Variants in PIKFYVE observed in about 807,000 individuals in gnomAD.
PIKFYVE encodes the protein 1-phosphatidylinositol 3-phosphate 5-kinase.
In PIKFYVE, 122 loss-of-function variants were observed where a neutral mutation model predicts 257.9. The observed-to-expected ratio is 0.47, with a 90% CI of 0.41 to 0.55. PIKFYVE has a LOEUF of 0.55. PIKFYVE is among the 20% of genes least tolerant of loss of function. The probability of loss-of-function intolerance (pLI) is 0.00; values close to 1 mark genes in which losing one functional copy is unlikely to be tolerated. For missense variants in PIKFYVE, 2,160 were observed against 2,536.6 expected, an observed-to-expected ratio of 0.85 and a Z score of 3.19; for synonymous variants, 892 against 868.9, an observed-to-expected ratio of 1.03 and a Z score of -0.47.
At chr2:208,345,869 C>T (rs185257347) in intron 33 of PIKFYVE, among the ~76,000 whole-genome samples, 181 bp from the exon 34 acceptor site, 19 of 152,170 alleles carry the variant, frequency 1.2e-4, no homozygotes, top group African/African-American at 4.6e-4. Flanking sequence ...GTAGATATTT[C>T]AGACTTTTTT....
At chr2:208,301,227 G>T in intron 9 of PIKFYVE, 133 bp downstream of exon 9, 1 of 1,164,824 alleles carries the variant, frequency 8.6e-7, no homozygotes, top group Non-Finnish European at 1.2e-6. Flanking sequence ...ATGGTTTAGG[G>T]TGCTAATTAC....
At position 208,342,600 on chromosome 2, in the gene PIKFYVE, A is replaced by G. The variant is rs745648970; in HGVS notation, c.4978A>G (p.Ile1660Val). Residue 1660 changes from isoleucine to valine, a missense_variant, in exon 32 of 42, where the codon ATT (isoleucine) becomes GTT (valine). Transcript: ENST00000264380. The stretch of plus-strand genomic sequence containing the variant: ...AATGTATGAACATGAACGAGTGCCC[A>G]TTGCAGTCTGCGAGAAGGAACCCAG... ...YLMYEHERVP[I>V]AVCEKEPSSI... The G allele has an allele frequency of 5.0e-6, 8 of 1,614,012 alleles. No homozygotes were observed. In the South Asian group the frequency reaches 6.6e-5, roughly 13 times the overall value.
At chr2:208,279,579 T>C (rs1294623823) in intron 5 of PIKFYVE, among the ~76,000 whole-genome samples, 2 of 152,208 alleles carry the variant, frequency 1.3e-5, no homozygotes, top group Non-Finnish European at 2.9e-5. Flanking sequence ...TTTTCGTATA[T>C]GATGAAACAT....
intron 12 of PIKFYVE, among the ~76,000 whole-genome samples, chr2:208,308,458 A>G (rs1694600963): frequency 6.6e-6 from 1 of 151,828 alleles, no homozygotes; most frequent in Non-Finnish European, 1.5e-5. Flanking sequence ...TTTGAAATTT[A>G]CTCTTAGCAA....
In PIKFYVE at chr2:208,300,014, A is replaced by G. The variant is rs558688651; in HGVS notation, c.1051-923A>G. Among the ~76,000 whole-genome samples the G allele has an allele frequency of 5.9e-5, 9 of 152,278 alleles. No homozygotes were observed. The South Asian group carries it at 1.9e-3, about 32-fold the overall frequency. On this transcript the variant is annotated intron_variant, in intron 8 of 41. Transcript: ENST00000264380. ...TGCACTCCAGCCTGGGCAACATAGC[A>G]AGACCTTGTCTCTAAGACAACAAAC...
intron 3 of PIKFYVE, 104 bp downstream of exon 3, chr2:208,273,837 G>C: frequency 6.9e-7 from 1 of 1,444,694 alleles, no homozygotes; most frequent in Non-Finnish European, 9.7e-7. Flanking sequence ...CCTGCTATTT[G>C]GAATAGTAAG....
chr2:208,306,422 C>G (rs1353143494), intron 12 of PIKFYVE, among the ~76,000 whole-genome samples: 1 of 152,210 alleles, frequency 6.6e-6, no homozygotes, highest in Non-Finnish European at 1.5e-5. Context: ...TGATGAACAT[C>G]TGTTCTCTGG....
intron 39 of PIKFYVE, 113 bp downstream of exon 39, chr2:208,352,895 T>C: frequency 7.4e-7 from 1 of 1,355,136 alleles, no homozygotes; most frequent in Non-Finnish European, 1.0e-6. Context: ...ATATTTAACT[T>C]TGGTTACTAG....
chr2:208,349,881 T>C, intron 35 of PIKFYVE, 143 bp from the exon 36 acceptor site: 2 of 1,236,702 alleles, frequency 1.6e-6, no homozygotes, highest in Non-Finnish European at 2.2e-6. Context: ...GTATATCTTA[T>C]GCTTGCTTGA....
In PIKFYVE at chr2:208,304,875, G is replaced by A. The variant is rs775436582; in HGVS notation, c.1498G>A (p.Val500Ile). The change falls in exon 12 of 42, where the codon GTC becomes ATC. Residue 500 changes from valine (V) to isoleucine (I), a missense_variant. Around this residue, in one of 12 missense-constraint regions of PIKFYVE, gnomAD observed 346 missense variants for 365.6 expected, o/e 0.95. Transcript: ENST00000264380. ...NSASPSKRTS[V>I]SSFQSTVDSD... ...TGCCAGTCCTAGCAAGCGCACATCAGTCAGCAGTTTCCAGTCCACAGTGGA... is the reference window on the plus strand; with the variant it reads ...TGCCAGTCCTAGCAAGCGCACATCAATCAGCAGTTTCCAGTCCACAGTGGA... 15 of 1,613,986 alleles carry A rather than the reference G, an allele frequency of 9.3e-6. No homozygotes were observed. Among genetic ancestry groups the A allele is most frequent in the Non-Finnish European group, 1.3e-5 (15 of 1,180,030 alleles).
chr2:208,326,293 G>A lies in PIKFYVE; in HGVS notation c.3482G>A (p.Arg1161Lys), dbSNP rs756768170. Residue 1161 changes from arginine to lysine, a missense_variant, in exon 20 of 42, where the codon AGA (arginine) becomes AAA (lysine). Arg to Lys is a conservative substitution (Grantham distance 26, BLOSUM62 2). Coordinates refer to ENST00000264380, the MANE Select transcript of PIKFYVE (RefSeq NM_015040.4). ...GCCGATTATCGAGCCAGAGGAGGAA[G>A]AATTCAGCCCAAAAATTCAGACCCT... ...MLADYRARGG[R>K]IQPKNSDPFA... The A allele has an allele frequency of 1.9e-6, 3 of 1,601,784 alleles. No individual in the cohort carries two copies. In the East Asian group the frequency reaches 6.7e-5, roughly 36 times the overall value.
At chr2:208,271,757 A>T in intron 2 of PIKFYVE, 66 bp downstream of exon 2, 10 of 1,476,892 alleles carry the variant, frequency 6.8e-6, no homozygotes, top group Non-Finnish European at 9.4e-6. Flanking sequence ...CTTTGTCTCC[A>T]GTGGCTCACC....
chr2:208,336,665 G>T (rs1427841807), intron 27 of PIKFYVE, among the ~76,000 whole-genome samples, 173 bp from the exon 28 acceptor site: 1 of 151,364 alleles, frequency 6.6e-6, no homozygotes, highest in Admixed American at 6.6e-5. Context: ...AAATGCTCCT[G>T]GTTAATTAGA....
intron 24 of PIKFYVE, 134 bp downstream of exon 24, chr2:208,333,627 C>T: frequency 1.1e-6 from 1 of 939,718 alleles, no homozygotes; most frequent in Non-Finnish European, 1.6e-6. Context: ...ATGCAGAGGA[C>T]CAGACTGTAT....
intron 39 of PIKFYVE, among the ~76,000 whole-genome samples, chr2:208,353,561 C>G (rs1327734186): frequency 1.3e-5 from 2 of 150,796 alleles, no homozygotes; most frequent in African/African-American, 2.4e-5. Context: ...TTTTTTAACA[C>G]TGTTTTGTGA....
intron 1 of PIKFYVE, among the ~76,000 whole-genome samples, chr2:208,267,373 C>T (rs1160947395): frequency 1.1e-4 from 16 of 152,226 alleles, no homozygotes; most frequent in Non-Finnish European, 1.5e-5. Flanking sequence ...CTGTGTTCTC[C>T]CTTTTTCTGC....
At chr2:208,347,754 A>AGT in intron 34 of PIKFYVE, 105 bp from the exon 35 acceptor site, 1 of 932,814 alleles carries the variant, frequency 1.1e-6, no homozygotes. Context: ...CAGATTGATT[A>AGT]GCTTCATATA....
chr2:208,276,084 T>C (rs1018318038), intron 3 of PIKFYVE, among the ~76,000 whole-genome samples: 2 of 152,174 alleles, frequency 1.3e-5, no homozygotes, highest in African/African-American at 4.8e-5. Flanking sequence ...AAGGATAGGA[T>C]TGGAGTTTTA....
chr2:208,350,637 G>T, intron 36 of PIKFYVE, 134 bp from the exon 37 acceptor site: 1 of 896,660 alleles, frequency 1.1e-6, no homozygotes, highest in South Asian at 1.5e-5. Context: ...TAGGGATTTG[G>T]ATCTAACATG....
Sources: gnomAD v4.1 joint callset for allele counts (sites outside exome capture counted in the v4.1 genomes callset) on GRCh38, gnomAD v4.1.1 for gene constraint, gnomAD v4.1.1 regional missense constraint, MANE v1.5 for transcripts, NCBI Gene and HGNC (gene_info 2026-07-23, HGNC 2026-07-21) for gene names.